THUMPD2: variants seen among roughly 807,000 people sequenced by gnomAD.
THUMPD2 encodes the protein U6 snRNA (guanine-N(2))-methyltransferase THUMPD2.
A neutral mutation model predicts 49.4 loss-of-function variants in THUMPD2; 56 were observed. The ratio of observed to expected loss-of-function variants is 1.13; its 90% confidence interval spans 0.91 to 1.41. The LOEUF is 1.41. THUMPD2 is among the 40% of genes most tolerant of loss of function. The probability of loss-of-function intolerance (pLI) is 0.00; values close to 1 mark genes in which losing one functional copy is unlikely to be tolerated. For missense variants in THUMPD2, 709 were observed against 594.5 expected (o/e 1.19, Z -2.00); for synonymous variants, 237 against 205.2 (o/e 1.15, Z -1.32).
intron 5 of THUMPD2, among the ~76,000 whole-genome samples, chr2:39,763,087 T>C (rs945045785): frequency 1.3e-5 from 2 of 151,976 alleles, no homozygotes; most frequent in Non-Finnish European, 2.9e-5. Flanking sequence ...AAAATAAAAA[T>C]AATGCTTTAC....
chr2:39,743,596 G>A (rs1455376584), intron 9 of THUMPD2, among the ~76,000 whole-genome samples: 1 of 152,140 alleles, frequency 6.6e-6, no homozygotes, highest in African/African-American at 2.4e-5. Flanking sequence ...TGATAATTGA[G>A]TTCTCACTCT....
chr2:39,743,222 T>C (rs1674132098), intron 9 of THUMPD2, among the ~76,000 whole-genome samples: 1 of 152,236 alleles, frequency 6.6e-6, no homozygotes, highest in South Asian at 2.1e-4. Flanking sequence ...ATGTGTGTTA[T>C]CAAATTCCCA....
chr2:39,747,641 T>A (rs1424472624), intron 8 of THUMPD2, among the ~76,000 whole-genome samples: 1 of 152,178 alleles, frequency 6.6e-6, no homozygotes, highest in African/African-American at 2.4e-5. Context: ...CAAAATGAAA[T>A]TTTTAAGTTT....
rs574947314 is a variant in THUMPD2, at chr2:39,744,371, T to G, written c.1186A>C (p.Arg396=). ...DIKSILQEME[R]VLHVGGTIVL... ...ATGAAAATAAATTCAACAACTTACC[T>G]TTCCATTTCTTGTAGAATGCTTTTG... The change falls in exon 9 of 10, where the codon AGA becomes CGA. Residue 396 remains arginine, a splice_region_variant and synonymous_variant. Coordinates refer to ENST00000505747, the MANE Select transcript of THUMPD2 (RefSeq NM_025264.5). 5.0e-4 allele frequency: 775 copies of G among 1,547,854 alleles called. 9 individuals are homozygous for G. In the South Asian group the frequency reaches 9.0e-3, roughly 18 times the overall value.
chr2:39,766,482 G>A (rs745921791), intron 4 of THUMPD2, among the ~76,000 whole-genome samples: 1 of 152,100 alleles, frequency 6.6e-6, no homozygotes, highest in Non-Finnish European at 1.5e-5. Context: ...AATAGGATGC[G>A]AGGCCACACA....
chr2:39,770,750 A>C (rs1678198008), intron 2 of THUMPD2, among the ~76,000 whole-genome samples: 1 of 152,080 alleles, frequency 6.6e-6, no homozygotes, highest in Non-Finnish European at 1.5e-5. Flanking sequence ...AGGAGGAATT[A>C]TATTGATCCC....
At chr2:39,771,398 T>C in intron 2 of THUMPD2, 107 bp downstream of exon 2, 1 of 1,111,598 alleles carries the variant, frequency 9.0e-7, no homozygotes. Context: ...ATCCCACACA[T>C]GTCAATGAAT....
chr2:39,757,267 G>A (rs970543945), intron 6 of THUMPD2: 11 of 655,662 alleles, frequency 1.7e-5, no homozygotes, highest in African/African-American at 9.4e-5. Context: ...AGGCCCAGTC[G>A]TGCTCGAGAT....
chr2:39,745,648 C>T (rs1197082360), intron 8 of THUMPD2, among the ~76,000 whole-genome samples: 4 of 152,146 alleles, frequency 2.6e-5, no homozygotes, highest in Non-Finnish European at 5.9e-5. Context: ...CACACAGTAC[C>T]TACGTATGAG....
intron 8 of THUMPD2, among the ~76,000 whole-genome samples, chr2:39,745,028 AT>A (rs1485855882): frequency 6.6e-6 from 1 of 152,172 alleles, no homozygotes; most frequent in Non-Finnish European, 1.5e-5. Flanking sequence ...TGTCTGATTA[AT>A]TCTAAATTGC....
chr2:39,771,483 C>T, intron 2 of THUMPD2, 22 bp downstream of exon 2: 1 of 1,571,338 alleles, frequency 6.4e-7, no homozygotes, highest in Non-Finnish European at 8.6e-7. Flanking sequence ...GTAAAAGCAA[C>T]ATGCATATGA....
chr2:39,772,073 C>T (rs1461874909), intron 1 of THUMPD2, among the ~76,000 whole-genome samples: 2 of 152,138 alleles, frequency 1.3e-5, no homozygotes, highest in Admixed American at 1.3e-4. Flanking sequence ...AATGCACTGA[C>T]AAGCTGTAAG....
chr2:39,755,325 T>C lies in THUMPD2; in HGVS notation c.1048A>G (p.Lys350Glu). ...ACAGAGATTTTAAGTAATTCAATTT[T>C]ATCCTCAAGGCCTGCAGCTTTCAGA... ...DNLKAAGLEDKIELLKISVIE... is the reference protein window; with the variant it reads ...DNLKAAGLEDEIELLKISVIE... Residue 350 changes from lysine (K) to glutamate (E), a missense_variant, in exon 8 of 10, where the codon AAA becomes GAA. Transcript: ENST00000505747. 6.5e-7 allele frequency: 1 copy of C among 1,545,296 alleles called. No individual in the cohort carries two copies. The highest frequency in any genetic ancestry group is 1.2e-5 in the South Asian group (1 of 80,378).
intron 9 of THUMPD2, 59 bp from the exon 10 acceptor site, chr2:39,737,118 C>T (rs1673186957): frequency 2.8e-6 from 4 of 1,439,878 alleles, no homozygotes; most frequent in Non-Finnish European, 3.8e-6. Context: ...ACAAACAATC[C>T]CACTTCATTT....
Position 39,768,503 on chromosome 2 carries a change from T to C in THUMPD2, c.673-2A>G. 17 of 1,607,908 alleles carry C rather than the reference T, an allele frequency of 1.1e-5. No individual in the cohort carries two copies. Among genetic ancestry groups the C allele is most frequent in the Non-Finnish European group, 1.2e-5 (14 of 1,176,754 alleles). On this transcript the variant is annotated splice_acceptor_variant, in intron 3 of 9. Coordinates refer to ENST00000505747, the MANE Select transcript of THUMPD2 (RefSeq NM_025264.5). LOFTEE classifies it high-confidence loss of function. ...AATTCCAATTACTTTTCCTACCTCCTGGAAAAGTACCAAGTTAAAGAAAAG... is the reference window on the plus strand; with the variant it reads ...AATTCCAATTACTTTTCCTACCTCCCGGAAAAGTACCAAGTTAAAGAAAAG...
rs148989791 is a variant in THUMPD2 at position 39,748,473 on chromosome 2, C to T, written c.1079-3995G>A. ...ATCCCAGCACTTTGGGAGGCCAAGG[C>T]AGGTGGATCATGAGGTCAAGAGATT... is the stretch of plus-strand genomic sequence containing the variant. On this transcript the variant is annotated intron_variant, in intron 8 of 9. Coordinates refer to ENST00000505747, the MANE Select transcript of THUMPD2 (RefSeq NM_025264.5). Among the ~76,000 whole-genome samples, 204 of 151,806 alleles carry T rather than the reference C, an allele frequency of 1.3e-3. 4 individuals are homozygous for T. The East Asian group carries it at 0.032, about 24-fold the overall frequency.
chr2:39,767,903 C>T (rs1558530857), intron 4 of THUMPD2, among the ~76,000 whole-genome samples: 1 of 152,008 alleles, frequency 6.6e-6, no homozygotes, highest in South Asian at 2.1e-4. Flanking sequence ...TATAAGATGG[C>T]TTTCAAAAAA....
chr2:39,769,587 A>C, intron 3 of THUMPD2, 123 bp downstream of exon 3: 1 of 968,400 alleles, frequency 1.0e-6, no homozygotes, highest in South Asian at 2.3e-5. Flanking sequence ...CTGTGATCCC[A>C]GCTACTCAGG....
At position 39,770,889 on chromosome 2, in the gene THUMPD2, T is replaced by C. The variant is rs114681868; in HGVS notation, c.262+616A>G. Among the ~76,000 whole-genome samples, 612 of 152,250 alleles carry C rather than the reference T, an allele frequency of 4.0e-3. 4 individuals are homozygous for C. Among genetic ancestry groups the C allele is most frequent in the African/African-American group, 0.014 (596 of 41,548 alleles). On this transcript the variant is annotated intron_variant, in intron 2 of 9. Transcript: ENST00000505747. ...TACATGATCTCTTACGTAATTCAAA[T>C]TGAAGTTTACGGCAGCATTTAATCC...
Sources: gnomAD v4.1 joint callset for allele counts (sites outside exome capture counted in the v4.1 genomes callset) on GRCh38, gnomAD v4.1.1 for gene constraint, MANE v1.5 for transcripts, NCBI Gene and HGNC (gene_info 2026-07-23, HGNC 2026-07-21) for gene names.